Variants in CADPS observed in about 807,000 individuals in gnomAD.
CADPS encodes calcium dependent secretion activator, also known as calcium-dependent secretion activator 1.
A neutral mutation model predicts 167.3 loss-of-function variants in CADPS; 57 were observed. The observed-to-expected ratio is 0.34, with a 90% CI of 0.28 to 0.42. CADPS has a LOEUF of 0.42. Among genes scored for constraint, CADPS ranks in the 20% least tolerant of loss-of-function variants. CADPS has a pLI of 1.00. For synonymous variants in CADPS, 676 were observed against 635.3 expected, an observed-to-expected ratio of 1.06 and a Z score of -0.96; for missense variants, 1,414 against 1,738.1, an observed-to-expected ratio of 0.81 and a Z score of 3.32.
chr3:62,578,542 G>A (rs542614235), intron 8 of CADPS, among the ~76,000 whole-genome samples: 27 of 148,570 alleles, frequency 1.8e-4, no homozygotes, highest in Non-Finnish European at 3.0e-4. Context: ...CCCGGGAGGC[G>A]GAGCTTGCAG....
chr3:62,823,506 T>C (rs1265755492), intron 1 of CADPS, among the ~76,000 whole-genome samples: 1 of 152,112 alleles, frequency 6.6e-6, no homozygotes, highest in East Asian at 1.9e-4. Context: ...ATATTCTTTT[T>C]AAAAAAATAT....
At chr3:62,844,742 T>C (rs573312526) in intron 1 of CADPS, among the ~76,000 whole-genome samples, 1 of 152,328 alleles carries the variant, frequency 6.6e-6, no homozygotes, top group East Asian at 1.9e-4. Context: ...CTTAGTATAA[T>C]GTGTAAACTA....
intron 2 of CADPS, among the ~76,000 whole-genome samples, chr3:62,763,095 T>C (rs2085924972): frequency 6.6e-6 from 1 of 152,162 alleles, no homozygotes; most frequent in Admixed American, 6.5e-5. Context: ...CTGAAAATGG[T>C]TCCAGTGCAG....
intron 8 of CADPS, among the ~76,000 whole-genome samples, chr3:62,573,927 T>C (rs1389265282): frequency 6.6e-6 from 1 of 152,250 alleles, no homozygotes; most frequent in Non-Finnish European, 1.5e-5. Flanking sequence ...AACTGGTCAA[T>C]AGACATTTGT....
At chr3:62,750,353 C>A (rs1455488955) in intron 3 of CADPS, among the ~76,000 whole-genome samples, 7 of 44,898 alleles carry the variant, frequency 1.6e-4, no homozygotes, top group Non-Finnish European at 1.9e-4. Context: ...TCTTAAGCTC[C>A]AAAAAAAAAA....
chr3:62,803,824 C>T (rs2093926274), intron 1 of CADPS, among the ~76,000 whole-genome samples: 1 of 152,106 alleles, frequency 6.6e-6, no homozygotes. Flanking sequence ...AAGTTCTTCT[C>T]CTGCTGATCT....
intron 28 of CADPS, 182 bp from the exon 29 acceptor site, chr3:62,403,367 G>A (rs1295352163): frequency 2.0e-6 from 1 of 499,124 alleles, no homozygotes; most frequent in African/African-American, 1.9e-5. Context: ...CAAGGTACTG[G>A]GTACTGGACC....
intron 4 of CADPS, among the ~76,000 whole-genome samples, chr3:62,658,918 G>A (rs2072439791): frequency 6.6e-6 from 1 of 152,136 alleles, no homozygotes; most frequent in Non-Finnish European, 1.5e-5. Context: ...CATGGAGATG[G>A]GAGATGCAGG....
At position 62,455,239 on chromosome 3, in the gene CADPS, A is replaced by AT. The variant is rs1246729019; in HGVS notation, c.3637-9443dup. Among the ~76,000 whole-genome samples the AT allele has an allele frequency of 6.7e-6, 1 of 149,802 alleles. No individual in the cohort carries two copies. Among genetic ancestry groups the AT allele is most frequent in the African/African-American group, 2.5e-5 (1 of 40,708 alleles). On this transcript the variant is annotated intron_variant, in intron 26 of 29. Transcript: ENST00000383710. This position sits in a 1 kb window ranked among gnomAD's most constrained non-coding sequence, Gnocchi z 4.4. ...TCCCAATCCCTCATTCCCAGAGAGG[A>AT]TTTTTCCAAGGCTCAAGGGCTCCCT...
At position 62,610,047 on chromosome 3, in the gene CADPS, C is replaced by A. The variant is rs112291272; in HGVS notation, c.1326-17299G>T. Reference sequence around the variant, plus strand: ...GAGGCTGTAGAGAGTCAAGACTGAGCCACTGCATTTCAGCCTGGGTGACAG... The same window carrying A: ...GAGGCTGTAGAGAGTCAAGACTGAGACACTGCATTTCAGCCTGGGTGACAG... On this transcript the variant is annotated intron_variant, in intron 6 of 29. Coordinates refer to ENST00000383710, the MANE Select transcript of CADPS (RefSeq NM_003716.4). Among the ~76,000 whole-genome samples the A allele has an allele frequency of 2.3e-3, 355 of 152,076 alleles. 1 individual carries two copies. The highest frequency in any genetic ancestry group is 0.01 in the Middle Eastern group (3 of 294).
At chr3:62,741,212 C>T (rs910648966) in intron 3 of CADPS, among the ~76,000 whole-genome samples, 1 of 152,138 alleles carries the variant, frequency 6.6e-6, no homozygotes, top group Non-Finnish European at 1.5e-5. Flanking sequence ...AGAGCTGGTA[C>T]CATTTCTACT....
chr3:62,527,481 C>A (rs1298993234), intron 13 of CADPS, among the ~76,000 whole-genome samples: 2 of 152,030 alleles, frequency 1.3e-5, no homozygotes, highest in African/African-American at 4.8e-5. Flanking sequence ...GGGGATTACC[C>A]CCAGTAATTC....
intron 23 of CADPS, among the ~76,000 whole-genome samples, chr3:62,475,764 C>T (rs531933999): frequency 7.1e-4 from 108 of 152,152 alleles, no homozygotes; most frequent in African/African-American, 2.4e-3. Flanking sequence ...CATCATTTGC[C>T]GGTTTTGTGA....
intron 6 of CADPS, among the ~76,000 whole-genome samples, chr3:62,599,533 AT>A (rs2059398564): frequency 2.9e-5 from 3 of 105,126 alleles, no homozygotes; most frequent in Non-Finnish European, 5.3e-5. Context: ...CATATATATT[AT>A]ATATATTATA....
chr3:62,874,232 C>T lies in CADPS; in HGVS notation c.441+357G>A, dbSNP rs1459428429. Among the ~76,000 whole-genome samples the T allele has an allele frequency of 1.3e-5, 2 of 152,160 alleles. No individual in the cohort carries two copies. The highest frequency in any genetic ancestry group is 2.9e-5 in the Non-Finnish European group (2 of 68,010). On this transcript the variant is annotated intron_variant, in intron 1 of 29. Transcript: ENST00000383710. The surrounding 1 kb of genome is among the most constrained non-coding windows in gnomAD (Gnocchi z 7.1). ...TGGAGAGCGCTGGGAGCCCTGCAAG[C>T]GAGCAAGGCCTCTCTGGGCGCCGCG...
intron 23 of CADPS, among the ~76,000 whole-genome samples, chr3:62,477,585 T>TC (rs1247515224): frequency 6.6e-6 from 1 of 152,172 alleles, no homozygotes; most frequent in Non-Finnish European, 1.5e-5. Context: ...CTCATTTTTT[T>TC]CCCTCACCTT....
At chr3:62,429,898 T>C (rs2053581100) in intron 28 of CADPS, among the ~76,000 whole-genome samples, 1 of 152,202 alleles carries the variant, frequency 6.6e-6, no homozygotes, top group African/African-American at 2.4e-5. Flanking sequence ...AAAGCTGTTC[T>C]GATAAAGACA....
chr3:62,842,803 G>A (rs1478227294), intron 1 of CADPS, among the ~76,000 whole-genome samples: 4 of 152,144 alleles, frequency 2.6e-5, no homozygotes, highest in South Asian at 2.1e-4. Flanking sequence ...CTCTAGACAT[G>A]CTGAATGATG....
At position 62,875,345 on chromosome 3, in the gene CADPS, C is replaced by G. The variant is rs1193236243; in HGVS notation, c.-316G>C. 1.1e-5 allele frequency: 2 copies of G among 179,748 alleles called. No homozygotes were observed. The highest frequency in any genetic ancestry group is 2.3e-5 in the Non-Finnish European group (2 of 85,910). The allele number at this position is 179,748 out of a possible 1,614,324, so 11.1% of individuals were successfully genotyped here. A position where few individuals can be genotyped will look rare whatever the true frequency, so the allele number is the denominator to read the frequency against. On this transcript the variant is annotated 5_prime_UTR_variant, in exon 1 of 30. Transcript: ENST00000383710. ...TGCCATCTGCGGCTGCTGAAGGAGG[C>G]GCCTCCAGAAAAGATGCCGAGTGTT...
Sources: gnomAD v4.1 joint callset for allele counts (sites outside exome capture counted in the v4.1 genomes callset) on GRCh38, gnomAD v4.1.1 for gene constraint, Gnocchi (gnomAD v3.1) non-coding constraint, MANE v1.5 for transcripts, NCBI Gene and HGNC (gene_info 2026-07-23, HGNC 2026-07-21) for gene names.